GPD2: variants seen among roughly 807,000 people sequenced by gnomAD.
GPD2 encodes glycerol-3-phosphate dehydrogenase 2.
GPD2 carries 54 observed loss-of-function variants against 82.4 expected under a neutral mutation model. The observed-to-expected ratio is 0.66, with a 90% CI of 0.53 to 0.82. GPD2 has a LOEUF of 0.82. Ranked by LOEUF, GPD2 falls within the 40% of genes least tolerant of loss-of-function variation. GPD2 has a pLI of 0.00. For synonymous variants in GPD2, 288 were observed against 306.1 expected (o/e 0.94, Z 0.62); for missense variants, 748 against 896.2 (o/e 0.83, Z 2.11).
At chr2:156,562,184 C>T (rs1229936069) in intron 9 of GPD2, among the ~76,000 whole-genome samples, 2 of 152,160 alleles carry the variant, frequency 1.3e-5, no homozygotes, top group African/African-American at 4.8e-5. Flanking sequence ...TCCTGGAGTA[C>T]TTCTTTAGGC....
chr2:156,514,489 AT>A (rs1466150649), intron 6 of GPD2, among the ~76,000 whole-genome samples: 11 of 150,460 alleles, frequency 7.3e-5, no homozygotes, highest in South Asian at 2.1e-4. Flanking sequence ...TTGTTGTTTT[AT>A]TTTTTTCAGG....
At chr2:156,459,686 CAAAAA>C (rs564494059) in intron 1 of GPD2, among the ~76,000 whole-genome samples, 7 of 38,776 alleles carry the variant, frequency 1.8e-4, no homozygotes, top group East Asian at 1.5e-3. Context: ...GACTCCGTCT[CAAAAA>C]AAAAAAAAAA....
Position 156,556,527 on chromosome 2 carries a change from C to G in GPD2, c.972-862C>G, listed in dbSNP as rs1361595877. ...GTTTGTTTACAGTTGTCTCTTCTTT[C>G]AAATATGTTTTATTATTTGATTTTA... On this transcript the variant is annotated intron_variant, in intron 8 of 16. Transcript: ENST00000438166. 3.9e-5 allele frequency among the ~76,000 whole-genome samples: 6 copies of G among 152,210 alleles called. No individual in the cohort carries two copies. In the East Asian group the frequency reaches 1.2e-3, roughly 29 times the overall value.
At chr2:156,526,925 A>G (rs963419782) in intron 6 of GPD2, among the ~76,000 whole-genome samples, 2 of 152,260 alleles carry the variant, frequency 1.3e-5, no homozygotes, top group African/African-American at 4.8e-5. Flanking sequence ...TATTGTGTGG[A>G]CAATATAATG....
intron 3 of GPD2, among the ~76,000 whole-genome samples, chr2:156,507,180 A>T (rs1207655509): frequency 6.7e-6 from 1 of 149,474 alleles, no homozygotes. Flanking sequence ...TGCCTGACAA[A>T]TTTTTTTTTT....
chr2:156,450,869 A>AGG (rs2105154377), intron 1 of GPD2, among the ~76,000 whole-genome samples: 1 of 129,922 alleles, frequency 7.7e-6, no homozygotes, highest in African/African-American at 2.9e-5. Flanking sequence ...ATGACTCTTA[A>AGG]CGAGCATGCT....
In GPD2 at chr2:156,521,970, T is replaced by C. The variant is rs1439118311; in HGVS notation, c.661+8474T>C. Among the ~76,000 whole-genome samples, 3 of 152,170 alleles carry C rather than the reference T, an allele frequency of 2.0e-5. No individual in the cohort carries two copies. In the East Asian group the frequency reaches 5.8e-4, roughly 29 times the overall value. On this transcript the variant is annotated intron_variant, in intron 6 of 16. Transcript: ENST00000438166. ...TCATTGCTCATACAGCAGGCATATT[T>C]TTTTTTGCCCCCAAATGCTGCCTTT...
At chr2:156,471,482 C>T (rs972428489) in intron 1 of GPD2, among the ~76,000 whole-genome samples, 1 of 152,234 alleles carries the variant, frequency 6.6e-6, no homozygotes, top group African/African-American at 2.4e-5. Context: ...TCTCTCTTCC[C>T]TCTGGACTTC....
chr2:156,581,988 GATGTGTGTGC>G (rs1574025828), intron 16 of GPD2, among the ~76,000 whole-genome samples: 2 of 151,792 alleles, frequency 1.3e-5, no homozygotes, highest in African/African-American at 4.8e-5. Flanking sequence ...ATATATATAT[GATGTGTGTGC>G]ATGTGTGTAT....
chr2:156,478,964 C>A (rs1186277135), intron 2 of GPD2, among the ~76,000 whole-genome samples: 1 of 152,218 alleles, frequency 6.6e-6, no homozygotes, highest in Non-Finnish European at 1.5e-5. Context: ...TTGCTGTGTT[C>A]TTGCATGCTC....
At chr2:156,478,514 A>G (rs1454150076) in intron 2 of GPD2, among the ~76,000 whole-genome samples, 1 of 152,146 alleles carries the variant, frequency 6.6e-6, no homozygotes, top group Non-Finnish European at 1.5e-5. Flanking sequence ...AATAATAATA[A>G]TAATAAAAAA....
intron 6 of GPD2, among the ~76,000 whole-genome samples, chr2:156,520,914 A>G (rs994427802): frequency 4.6e-5 from 7 of 152,216 alleles, no homozygotes; most frequent in African/African-American, 1.7e-4. Flanking sequence ...ACTTTGTAAA[A>G]GTATTATGTG....
intron 2 of GPD2, among the ~76,000 whole-genome samples, chr2:156,483,549 C>T (rs1353576526): frequency 2.0e-5 from 3 of 152,132 alleles, no homozygotes; most frequent in African/African-American, 7.2e-5. Context: ...AAAAAAATAG[C>T]TGAACTTTTG....
chr2:156,527,849 G>A lies in GPD2; in HGVS notation c.661+14353G>A, dbSNP rs16840411. ...TTTAAATTTTCTTAGTTTTTAACCC[G>A]AGAAATCCTACAAAGAATGGATTTG... On this transcript the variant is annotated intron_variant, in intron 6 of 16. Transcript: ENST00000438166. 7.5e-3 allele frequency among the ~76,000 whole-genome samples: 1,137 copies of A among 151,958 alleles called. 15 individuals are homozygous for A. Among genetic ancestry groups the A allele is most frequent in the African/African-American group, 0.026 (1,072 of 41,464 alleles).
chr2:156,572,642 G>A (rs536533865), intron 13 of GPD2, among the ~76,000 whole-genome samples: 3 of 152,146 alleles, frequency 2.0e-5, no homozygotes, highest in Non-Finnish European at 4.4e-5. Context: ...AGTTAATGTA[G>A]TCAGATGATG....
intron 9 of GPD2, among the ~76,000 whole-genome samples, chr2:156,562,585 C>A (rs78418223): frequency 0.039 from 546 of 14,076 alleles, 5 homozygotes; most frequent in East Asian, 0.22. Flanking sequence ...GAAAAAAAAA[C>A]CCCCAAAACA....
intron 13 of GPD2, among the ~76,000 whole-genome samples, chr2:156,578,050 GGAAAGAGATTTGT>G (rs1687889488): frequency 6.6e-6 from 1 of 152,084 alleles, no homozygotes; most frequent in Admixed American, 6.6e-5. Context: ...ATATATATGA[GGAAAGAGATTTGT>G]GAACAATATA....
At chr2:156,525,080 G>T (rs1685555346) in intron 6 of GPD2, among the ~76,000 whole-genome samples, 1 of 152,080 alleles carries the variant, frequency 6.6e-6, no homozygotes. Context: ...ATAAATGCTT[G>T]ATTCTTTTCA....
chr2:156,543,013 C>A (rs1686382131), intron 6 of GPD2, among the ~76,000 whole-genome samples: 1 of 152,102 alleles, frequency 6.6e-6, no homozygotes, highest in Admixed American at 6.6e-5. Flanking sequence ...AATGTGTACC[C>A]CCAAAAATAT....
Sources: gnomAD v4.1 joint callset for allele counts (sites outside exome capture counted in the v4.1 genomes callset) on GRCh38, gnomAD v4.1.1 for gene constraint, MANE v1.5 for transcripts, NCBI Gene and HGNC (gene_info 2026-07-23, HGNC 2026-07-21) for gene names.